Variants in TMEM117 observed in about 807,000 individuals in gnomAD.
TMEM117 encodes transmembrane protein 117.
A neutral mutation model predicts 52.4 loss-of-function variants in TMEM117; 27 were observed. That is an observed-to-expected ratio of 0.51 (90% CI 0.38 to 0.71). TMEM117 has a LOEUF of 0.71. TMEM117 is among the 30% of genes least tolerant of loss of function. The pLI is 0.00. For missense variants in TMEM117, 556 were observed against 630.5 expected, an observed-to-expected ratio of 0.88 and a Z score of 1.26; for synonymous variants, 215 against 206.3, an observed-to-expected ratio of 1.04 and a Z score of -0.36.
intron 6 of TMEM117, among the ~76,000 whole-genome samples, chr12:44,370,335 A>T (rs771842403): frequency 1.1e-4 from 16 of 152,252 alleles, no homozygotes; most frequent in Non-Finnish European, 2.4e-4. Context: ...CACTCTCTGT[A>T]TAATTCCAGT....
At chr12:44,094,917 T>C (rs1947732322) in intron 3 of TMEM117, among the ~76,000 whole-genome samples, 1 of 152,158 alleles carries the variant, frequency 6.6e-6, no homozygotes, top group African/African-American at 2.4e-5. Flanking sequence ...ATATTATTTG[T>C]CTGAAAGTAT....
chr12:43,822,651 T>C, the TMEM117 span, among the ~76,000 whole-genome samples: 1 of 152,158 alleles, frequency 6.6e-6, no homozygotes, highest in Admixed American at 6.5e-5. Context: ...TATTTTTCTA[T>C]CAGATGAGCA....
chr12:44,002,221 G>T (rs575697445), intron 3 of TMEM117, among the ~76,000 whole-genome samples: 1 of 152,202 alleles, frequency 6.6e-6, no homozygotes, highest in South Asian at 2.1e-4. Flanking sequence ...ACCAAAATAA[G>T]GTTTTTACAC....
At chr12:44,209,656 A>G (rs925592854) in intron 4 of TMEM117, among the ~76,000 whole-genome samples, 3 of 152,198 alleles carry the variant, frequency 2.0e-5, no homozygotes, top group Non-Finnish European at 2.9e-5. Context: ...TAGAGCCTAC[A>G]TAAATCTGTA....
chr12:44,128,423 T>G (rs1948362350), intron 3 of TMEM117, among the ~76,000 whole-genome samples: 1 of 152,228 alleles, frequency 6.6e-6, no homozygotes, highest in Admixed American at 6.5e-5. Context: ...CTTTTTTCAT[T>G]TGCTAAATGG....
At chr12:43,889,787 G>A (rs1944069096) in intron 2 of TMEM117, among the ~76,000 whole-genome samples, 2 of 152,166 alleles carry the variant, frequency 1.3e-5, no homozygotes, top group African/African-American at 4.8e-5. Context: ...AAAACAATGG[G>A]TGATTCTTGC....
chr12:44,294,846 T>C (rs1330008147), intron 5 of TMEM117, among the ~76,000 whole-genome samples: 5 of 152,218 alleles, frequency 3.3e-5, no homozygotes, highest in Admixed American at 3.3e-4. Context: ...ATCACTCTGC[T>C]CAGAACAGAA....
At chr12:44,031,898 A>G (rs945265485) in intron 3 of TMEM117, among the ~76,000 whole-genome samples, 2 of 152,206 alleles carry the variant, frequency 1.3e-5, no homozygotes, top group Non-Finnish European at 2.9e-5. Flanking sequence ...GCTTTCCTTT[A>G]AGGAATCAAA....
At chr12:43,880,042 C>A (rs944281654) in intron 2 of TMEM117, among the ~76,000 whole-genome samples, 3 of 152,200 alleles carry the variant, frequency 2.0e-5, no homozygotes, top group Admixed American at 1.3e-4. Flanking sequence ...ATTGGAGTGT[C>A]TCTAATATTT....
chr12:44,262,743 C>G (rs1010702824), intron 5 of TMEM117, among the ~76,000 whole-genome samples: 3 of 152,172 alleles, frequency 2.0e-5, no homozygotes, highest in African/African-American at 4.8e-5. Context: ...CGTGCCACCA[C>G]GCCCGGCTAA....
chr12:44,123,232 CT>C, intron 3 of TMEM117, among the ~76,000 whole-genome samples: 1 of 141,632 alleles, frequency 7.1e-6, no homozygotes, highest in Middle Eastern at 3.6e-3. Flanking sequence ...CCTTTGCCTA[CT>C]TTTTAATGGG....
At chr12:44,091,069 TAC>T (rs1947663993) in intron 3 of TMEM117, among the ~76,000 whole-genome samples, 1 of 152,152 alleles carries the variant, frequency 6.6e-6, no homozygotes, top group South Asian at 2.1e-4. Context: ...TAATTGGATT[TAC>T]AGTTCCACAT....
chr12:43,827,351 T>C, the TMEM117 span, among the ~76,000 whole-genome samples: 1 of 152,218 alleles, frequency 6.6e-6, no homozygotes, highest in Admixed American at 6.5e-5. Context: ...CACCACCAAG[T>C]TGGCAGAACA....
intron 7 of TMEM117, among the ~76,000 whole-genome samples, chr12:44,384,295 T>G (rs1009623335): frequency 1.3e-5 from 2 of 152,116 alleles, no homozygotes; most frequent in Admixed American, 1.3e-4. Flanking sequence ...TTTCTACCAT[T>G]TTAGCAGCTT....
At chr12:44,390,199 GACACACACAC>G (rs58917894), downstream of TMEM117, among the ~76,000 whole-genome samples, 6 of 143,590 alleles carry the variant, frequency 4.2e-5, no homozygotes, top group African/African-American at 5.0e-5. Context: ...AAACATATCT[GACACACACAC>G]ACACACACAC....
intron 3 of TMEM117, among the ~76,000 whole-genome samples, chr12:43,947,918 G>A (rs1252876074): frequency 2.0e-5 from 3 of 152,108 alleles, no homozygotes; most frequent in Admixed American, 6.5e-5. Context: ...CATTTTGTGT[G>A]CATGTATGCC....
At chr12:44,063,864 T>G (rs1947180752) in intron 3 of TMEM117, among the ~76,000 whole-genome samples, 1 of 152,150 alleles carries the variant, frequency 6.6e-6, no homozygotes, top group African/African-American at 2.4e-5. Context: ...TAAAGGTGGT[T>G]GCCAGGGGCA....
intron 2 of TMEM117, among the ~76,000 whole-genome samples, chr12:43,928,954 A>G (rs939538550): frequency 1.3e-5 from 2 of 151,794 alleles, no homozygotes; most frequent in African/African-American, 2.4e-5. Flanking sequence ...ATAGTATTCC[A>G]TGGTGTATAT....
At chr12:43,880,906 T>A (rs1326193790) in intron 2 of TMEM117, among the ~76,000 whole-genome samples, 9 of 152,250 alleles carry the variant, frequency 5.9e-5, no homozygotes, top group Non-Finnish European at 1.2e-4. Context: ...TGTAAAAGTA[T>A]AATTTATTAT....
Sources: allele counts gnomAD v4.1 joint callset (sites outside exome capture counted in the v4.1 genomes callset), GRCh38; gene constraint gnomAD v4.1.1; transcripts MANE v1.5; gene names NCBI Gene and HGNC (gene_info 2026-07-23, HGNC 2026-07-21).